Variants in ZC3H3 observed in about 807,000 individuals in gnomAD.
ZC3H3 encodes the protein zinc finger CCCH-type containing 3, also known as zinc finger CCCH domain-containing protein 3.
Under a neutral mutation model 77.3 loss-of-function variants are expected in ZC3H3, and 36 were observed. The ratio of observed to expected loss-of-function variants is 0.47; its 90% CI spans 0.36 to 0.61. The LOEUF (loss-of-function observed/expected upper bound fraction) is 0.61. Ranked by LOEUF, ZC3H3 falls within the 20% of genes least tolerant of loss-of-function variation. The probability of loss-of-function intolerance (pLI) is 0.00; values close to 1 mark genes in which losing one functional copy is unlikely to be tolerated. For synonymous variants in ZC3H3, 626 were observed against 555.2 expected (o/e 1.13, Z -1.79); for missense variants, 1,331 against 1,312.2 (o/e 1.01, Z -0.22).
rs540715217 is a variant in ZC3H3 at position 143,462,249 on chromosome 8, C to T, written c.2307+3468G>A. On this transcript the variant is annotated intron_variant, in intron 9 of 11. Transcript: ENST00000262577. This position sits in a 1 kb window ranked among gnomAD's most constrained non-coding sequence, Gnocchi z 4.7. Reference sequence around the variant, plus strand: ...GACTGTATATAAAAGGAGACTGAGGCCAGAGGAGGAAGTAACCGTGCAGGG... The same window carrying T: ...GACTGTATATAAAAGGAGACTGAGGTCAGAGGAGGAAGTAACCGTGCAGGG... Among the ~76,000 whole-genome samples, 6 of 152,238 alleles carry T rather than the reference C, an allele frequency of 3.9e-5. No individual in the cohort carries two copies. The East Asian group carries it at 1.2e-3, about 29-fold the overall frequency.
At chr8:143,458,311 G>A (rs375852) in intron 9 of ZC3H3, among the ~76,000 whole-genome samples, 151,475 of 152,286 alleles carry the variant, frequency 0.99, 75,337 homozygotes, top group East Asian at 1. Context: ...TCTACACAGC[G>A]AGGAGACTGA....
At chr8:143,517,900 G>C (rs1822111868) in intron 3 of ZC3H3, among the ~76,000 whole-genome samples, 1 of 152,232 alleles carries the variant, frequency 6.6e-6, no homozygotes, top group African/African-American at 2.4e-5. Flanking sequence ...GATACTCGAG[G>C]GCGGAAGAGC....
At chr8:143,454,402 ATT>A (rs1159428177) in intron 9 of ZC3H3, among the ~76,000 whole-genome samples, 10 of 125,056 alleles carry the variant, frequency 8.0e-5, no homozygotes, top group African/African-American at 1.2e-4. Flanking sequence ...ACAATTCATA[ATT>A]TTTTTTTTTT....
In ZC3H3 at chr8:143,440,240, A is replaced by C. The variant is rs1182149963; in HGVS notation, c.2616T>G (p.Ala872=). The change falls in exon 11 of 12, where the codon GCT becomes GCG. Residue 872 remains alanine, a synonymous_variant. Coordinates refer to ENST00000262577, the MANE Select transcript of ZC3H3 (RefSeq NM_015117.3). ...ATGAGGAGGAGGAGGAGGAGGAGGA[A>C]GCCTTCGAGGATGAGGGAGAGGCTG... ...GGSASPSSSK[A]SSSSSSSSSP... is the part of the protein sequence containing the mutation. 6.3e-7 allele frequency: 1 copy of C among 1,581,108 alleles called. No individual in the cohort carries two copies. Among genetic ancestry groups the C allele is most frequent in the Admixed American group, 1.8e-5 (1 of 56,798 alleles).
Position 143,538,180 on chromosome 8 carries a change from G to C in ZC3H3, c.1187C>G (p.Ser396Trp), listed in dbSNP as rs762877495. The C allele has an allele frequency of 6.2e-7, 1 of 1,613,012 alleles. No individual in the cohort carries two copies. Among genetic ancestry groups the C allele is most frequent in the Non-Finnish European group, 8.5e-7 (1 of 1,180,016 alleles). The change falls in exon 2 of 12, where the codon TCG becomes TGG. Residue 396 changes from serine (S) to tryptophan (W), a missense_variant. Ser to Trp is a radical substitution (Grantham distance 177). Coordinates refer to ENST00000262577, the MANE Select transcript of ZC3H3 (RefSeq NM_015117.3). ...ASSSSSFRWQ[S>W]EASSKDHASQ... ...GGCATGGTCCTTGCTGCTGGCCTCC[G>C]ACTGCCAACGGAAGGAGGAAGAGGA...
chr8:143,532,141 G>A (rs1337546405), intron 3 of ZC3H3, among the ~76,000 whole-genome samples: 2 of 152,246 alleles, frequency 1.3e-5, no homozygotes, highest in Non-Finnish European at 2.9e-5. Flanking sequence ...AAATGAACAG[G>A]GGAGTTTCGA....
At chr8:143,476,383 G>A (rs1820735351) in intron 4 of ZC3H3, among the ~76,000 whole-genome samples, 2 of 152,196 alleles carry the variant, frequency 1.3e-5, no homozygotes, top group African/African-American at 4.8e-5. Flanking sequence ...CCTGGCTAGA[G>A]GAAGAGACCT....
chr8:143,475,275 G>C (rs1820699981), intron 5 of ZC3H3, 123 bp downstream of exon 5: 1 of 1,231,082 alleles, frequency 8.1e-7, no homozygotes, highest in Non-Finnish European at 1.1e-6. Context: ...CCCCAAGACA[G>C]GGGCGTGAGC....
intron 3 of ZC3H3, among the ~76,000 whole-genome samples, chr8:143,521,327 G>C (rs1165834106): frequency 6.6e-6 from 1 of 152,126 alleles, no homozygotes; most frequent in Non-Finnish European, 1.5e-5. Context: ...AAAGTCTGAA[G>C]GGACTGACCC....
intron 11 of ZC3H3, among the ~76,000 whole-genome samples, chr8:143,438,540 T>C (rs13255491): frequency 0.057 from 8,606 of 152,026 alleles, 301 homozygotes; most frequent in Non-Finnish European, 0.079. Context: ...ACACAAGCTG[T>C]GGCGGGGAGG....
intron 1 of ZC3H3, among the ~76,000 whole-genome samples, chr8:143,540,940 A>T (rs2130533618): frequency 6.6e-6 from 1 of 151,218 alleles, no homozygotes; most frequent in South Asian, 2.1e-4. Context: ...TGGGTGACAG[A>T]GCAAGACTCT....
intron 9 of ZC3H3, among the ~76,000 whole-genome samples, chr8:143,448,049 C>T (rs372671335): frequency 2.0e-5 from 3 of 152,000 alleles, no homozygotes; most frequent in South Asian, 2.1e-4. Flanking sequence ...TGCTTAAACC[C>T]GAGAGGCGGG....
chr8:143,490,787 T>G (rs1821179896), intron 4 of ZC3H3, among the ~76,000 whole-genome samples: 1 of 152,122 alleles, frequency 6.6e-6, no homozygotes, highest in African/African-American at 2.4e-5. Context: ...TGGTGGTAGG[T>G]GCCTGTAATC....
rs1349677180 is a variant in ZC3H3 at position 143,451,778 on chromosome 8, T to C, written c.2308-10658A>G. Among the ~76,000 whole-genome samples, 5 of 139,112 alleles carry C rather than the reference T, an allele frequency of 3.6e-5. No individual in the cohort carries two copies. In the Admixed American group the frequency reaches 3.8e-4, roughly 10 times the overall value. 91.3% of individuals were successfully genotyped at this position (139,112 alleles called of 152,430 possible). A position where few individuals can be genotyped will look rare whatever the true frequency, so the allele number is the denominator to read the frequency against. The stretch of plus-strand genomic sequence containing the variant: ...CAGCCTGGGTGACAAAGTGAGACTC[T>C]GCCTAAAAAAAAAAAAAAAAGAAAA... On this transcript the variant is annotated intron_variant, in intron 9 of 11. Coordinates refer to ENST00000262577, the MANE Select transcript of ZC3H3 (RefSeq NM_015117.3).
intron 9 of ZC3H3, among the ~76,000 whole-genome samples, chr8:143,451,476 G>C (rs79207375): frequency 6.6e-6 from 1 of 152,158 alleles, no homozygotes; most frequent in African/African-American, 2.4e-5. Flanking sequence ...TCAGTAAAAC[G>C]GATCCACTTC....
intron 3 of ZC3H3, among the ~76,000 whole-genome samples, chr8:143,527,066 C>T (rs1313004290): frequency 1.3e-5 from 2 of 152,292 alleles, no homozygotes; most frequent in Admixed American, 6.5e-5. Context: ...GGCCCTGTGC[C>T]GTGCCCACCC....
At chr8:143,496,002 T>C (rs1821340622) in intron 4 of ZC3H3, among the ~76,000 whole-genome samples, 1 of 152,184 alleles carries the variant, frequency 6.6e-6, no homozygotes, top group African/African-American at 2.4e-5. Flanking sequence ...CTCTAGTTAG[T>C]GGCCCTGCTT....
At position 143,539,203 on chromosome 8, in the gene ZC3H3, G is replaced by C. The variant is rs1006967241; in HGVS notation, c.164C>G (p.Pro55Arg). The change falls in exon 2 of 12, where the codon CCT (proline) becomes CGT (arginine). Residue 55 changes from proline (P) to arginine (R), a missense_variant. Physicochemically the swap from Pro to Arg is moderately radical, Grantham distance 103 (BLOSUM62 -2). Transcript: ENST00000262577. ...AGAGTAGCCCCTCCGGCTTGGACGA[G>C]GGTAGCGGGCACTAAAGGCTCTGCC... is the stretch of plus-strand genomic sequence containing the variant. Reference protein sequence around the residue: ...HSGRAFSARYPRPSRRGYSSH... With the variant: ...HSGRAFSARYRRPSRRGYSSH... 4 of 1,612,832 alleles carry C rather than the reference G, an allele frequency of 2.5e-6. No individual in the cohort carries two copies. In the African/African-American group the frequency reaches 5.3e-5, roughly 22 times the overall value.
intron 9 of ZC3H3, among the ~76,000 whole-genome samples, chr8:143,444,006 G>A (rs1819809937): frequency 7.3e-6 from 1 of 137,896 alleles, no homozygotes; most frequent in African/African-American, 2.7e-5. Flanking sequence ...ACAGAGTCTT[G>A]CTCTGTTGCC....
Sources: allele counts gnomAD v4.1 joint callset (sites outside exome capture counted in the v4.1 genomes callset), GRCh38; gene constraint gnomAD v4.1.1; non-coding constraint Gnocchi (gnomAD v3.1); transcripts MANE v1.5; gene names NCBI Gene and HGNC (gene_info 2026-07-23, HGNC 2026-07-21).